The following CEBPZ variants were observed in gnomAD, a reference collection of about 807,000 sequenced individuals.
CEBPZ encodes CCAAT/enhancer-binding protein zeta.
A neutral mutation model predicts 104.5 loss-of-function variants in CEBPZ; 78 were observed. The observed-to-expected ratio is 0.75, with a 90% CI of 0.62 to 0.90. CEBPZ has a LOEUF of 0.90. Ranked by LOEUF, CEBPZ falls within the 40% of genes least tolerant of loss-of-function variation. CEBPZ has a pLI of 0.00. For synonymous variants in CEBPZ, 470 were observed against 427.0 expected, an observed-to-expected ratio of 1.10 and a Z score of -1.24; for missense variants, 1,439 against 1,233.5, an observed-to-expected ratio of 1.17 and a Z score of -2.50.
chr2:37,211,107 T>A, intron 12 of CEBPZ, 25 bp from the exon 13 acceptor site: 2 of 1,510,968 alleles, frequency 1.3e-6, no homozygotes, highest in Non-Finnish European at 1.8e-6. Context: ...AATTTGCTAA[T>A]AAGCAATTTA....
chr2:37,210,788 A>G (rs1281044647), intron 13 of CEBPZ: 1 of 466,366 alleles, frequency 2.1e-6, no homozygotes, highest in Non-Finnish European at 3.8e-6. Context: ...CAAATTTTTA[A>G]AAAGTGAATG....
At chr2:37,220,982 G>A (rs1482421553) in intron 4 of CEBPZ, among the ~76,000 whole-genome samples, 1 of 151,926 alleles carries the variant, frequency 6.6e-6, no homozygotes, top group African/African-American at 2.4e-5. Flanking sequence ...TCCTGACAGA[G>A]CAAGACCCTG....
In CEBPZ at chr2:37,211,890, C is replaced by T. The variant is rs763933245; in HGVS notation, c.2753G>A (p.Gly918Glu). ...DEEFAEVDED[G>E]GTFMDVLDDE... ...ATCTAACACATCCATGAATGTTCCTCCATCTTCATCAACTTCAGCAAATTC... is the reference window on the plus strand; with the variant it reads ...ATCTAACACATCCATGAATGTTCCTTCATCTTCATCAACTTCAGCAAATTC... Residue 918 changes from glycine to glutamate, a missense_variant, in exon 12 of 16, where the codon GGA becomes GAA. Coordinates refer to ENST00000234170, the MANE Select transcript of CEBPZ (RefSeq NM_005760.3). 6 of 1,611,466 alleles carry T rather than the reference C, an allele frequency of 3.7e-6. No homozygotes were observed. The East Asian group carries it at 1.3e-4, about 36-fold the overall frequency.
chr2:37,211,133 GA>G, intron 12 of CEBPZ, 51 bp from the exon 13 acceptor site: 1 of 1,188,950 alleles, frequency 8.4e-7, no homozygotes. Context: ...AATAAGACTG[GA>G]AAATATTACT....
At chr2:37,204,296 T>C (rs1350185791) in intron 13 of CEBPZ, 1 of 136,766 alleles carries the variant, frequency 7.3e-6, no homozygotes, top group African/African-American at 2.6e-5. Context: ...TTTTTTTTTT[T>C]GAGACAGAGT....
intron 2 of CEBPZ, among the ~76,000 whole-genome samples, 195 bp from the exon 3 acceptor site, chr2:37,223,596 A>T (rs1406759423): frequency 6.6e-6 from 1 of 152,180 alleles, no homozygotes; most frequent in Non-Finnish European, 1.5e-5. Context: ...ACCAGGAAAA[A>T]CCAACAGCAA....
intron 13 of CEBPZ, among the ~76,000 whole-genome samples, chr2:37,205,922 G>C (rs74911265): frequency 1.3e-5 from 2 of 152,304 alleles, no homozygotes; most frequent in Admixed American, 1.3e-4. Flanking sequence ...ATGGATTATT[G>C]CAAGGGTCAA....
chr2:37,211,537 T>C (rs1446419964), intron 12 of CEBPZ: 1 of 293,870 alleles, frequency 3.4e-6, no homozygotes, highest in Non-Finnish European at 6.3e-6. Flanking sequence ...GATTAACTTT[T>C]ATAAACTGCT....
intron 4 of CEBPZ, among the ~76,000 whole-genome samples, chr2:37,221,438 T>C (rs545990409): frequency 1.3e-5 from 2 of 152,318 alleles, no homozygotes; most frequent in South Asian, 4.1e-4. Flanking sequence ...AATCTGAAGA[T>C]GAACTAGGTC....
chr2:37,203,047 T>C, intron 13 of CEBPZ, 39 bp from the exon 14 acceptor site: 1 of 1,345,444 alleles, frequency 7.4e-7, no homozygotes, highest in Non-Finnish European at 1.0e-6. Flanking sequence ...CAATTATAAA[T>C]CTAATGATTT....
Position 37,211,040 on chromosome 2 carries a change from C to A in CEBPZ, c.2843G>T (p.Arg948Ile). 1 of 1,612,266 alleles carries A rather than the reference C, an allele frequency of 6.2e-7. No homozygotes were observed. The highest frequency in any genetic ancestry group is 1.1e-5 in the South Asian group (1 of 90,798). ...AAAGTCAAAATCATCTGTACCTTTT[C>A]TCTTGCTTTTCTTAGTACTGACTTT... ...HSKVSTKKSK[R>I]KGTDDFDFAG... Residue 948 changes from arginine (R) to isoleucine (I), a missense_variant, in exon 13 of 16, where the codon AGA (arginine) becomes ATA (isoleucine). By Grantham distance (97) the Arg-to-Ile change is moderately conservative (BLOSUM62 -3). Transcript: ENST00000234170.
At chr2:37,206,919 A>T (rs895174743) in intron 13 of CEBPZ, among the ~76,000 whole-genome samples, 1 of 152,258 alleles carries the variant, frequency 6.6e-6, no homozygotes, top group South Asian at 2.1e-4. Flanking sequence ...CACGTAACAC[A>T]TAAGGACTCA....
In CEBPZ at chr2:37,228,316, G is replaced by C; in HGVS notation, c.877C>G (p.Leu293Val). The change falls in exon 2 of 16, where the codon CTT (leucine) becomes GTT (valine). Residue 293 changes from leucine (L) to valine (V), a missense_variant. Transcript: ENST00000234170. ...TTGTCTGGCAAAAGGTCTGTGATAA[G>C]CAACTCTTTGAAAGTATCCAAGGCC... ...LMALDTFKELLITDLLPDNRK... is the reference protein window; with the variant it reads ...LMALDTFKELVITDLLPDNRK... 2 of 1,614,168 alleles carry C rather than the reference G, an allele frequency of 1.2e-6. No individual in the cohort carries two copies. Among genetic ancestry groups the C allele is most frequent in the Non-Finnish European group, 1.7e-6 (2 of 1,180,030 alleles).
At position 37,216,210 on chromosome 2, in the gene CEBPZ, T is replaced by C. The variant is rs766218806; in HGVS notation, c.2312-2A>G. 11 of 1,612,164 alleles carry C rather than the reference T, an allele frequency of 6.8e-6. No individual in the cohort carries two copies. The highest frequency in any genetic ancestry group is 9.3e-6 in the Non-Finnish European group (11 of 1,178,986). On this transcript the variant is annotated splice_acceptor_variant, in intron 7 of 15. Transcript: ENST00000234170. LOFTEE classifies it high-confidence loss of function. The stretch of plus-strand genomic sequence containing the variant: ...GCATCACAACACTATCTGTGTTTTC[T>C]GAAATGTAAAATTATGACAGTATAA...
chr2:37,206,293 T>C (rs968064261), intron 13 of CEBPZ, among the ~76,000 whole-genome samples: 4 of 152,256 alleles, frequency 2.6e-5, no homozygotes, highest in Non-Finnish European at 5.9e-5. Flanking sequence ...GAGATATCTA[T>C]GCTGAGAATT....
chr2:37,210,277 T>G (rs1677679372), intron 13 of CEBPZ: 1 of 151,974 alleles, frequency 6.6e-6, no homozygotes, highest in Non-Finnish European at 1.5e-5. Context: ...CACCACTGGG[T>G]ACTACCCAGA....
chr2:37,211,656 C>A, intron 12 of CEBPZ, 187 bp downstream of exon 12: 1 of 495,254 alleles, frequency 2.0e-6, no homozygotes, highest in Non-Finnish European at 3.5e-6. Context: ...TAAAAGAAAA[C>A]ACACATAACA....
At chr2:37,203,842 G>A (rs984747959) in intron 13 of CEBPZ, 1 of 152,114 alleles carries the variant, frequency 6.6e-6, no homozygotes, top group African/African-American at 2.4e-5. Context: ...TTAGCATAAC[G>A]TTTTTGAGGC....
At chr2:37,225,363 G>T (rs867302579) in intron 2 of CEBPZ, among the ~76,000 whole-genome samples, 3 of 151,974 alleles carry the variant, frequency 2.0e-5, no homozygotes, top group Non-Finnish European at 4.4e-5. Context: ...TGTCTGTGTA[G>T]AAAGAAGTAG....
Sources: gnomAD v4.1 joint callset for allele counts (sites outside exome capture counted in the v4.1 genomes callset) on GRCh38, gnomAD v4.1.1 for gene constraint, MANE v1.5 for transcripts, NCBI Gene and HGNC (gene_info 2026-07-23, HGNC 2026-07-21) for gene names.